Variants in TIMP2 observed in about 807,000 individuals in gnomAD.
TIMP2 encodes the protein metalloproteinase inhibitor 2.
Under a neutral mutation model 24.3 loss-of-function variants are expected in TIMP2, and 5 were observed. The observed-to-expected ratio is 0.21, with a 90% confidence interval of 0.11 to 0.43. The LOEUF (loss-of-function observed/expected upper bound fraction) is 0.43, where lower values mean the gene tolerates loss of function less well. Among genes scored for constraint, TIMP2 ranks in the 20% least tolerant of loss-of-function variants. TIMP2 has a pLI of 1.00. For missense variants in TIMP2, 221 were observed against 297.5 expected, an observed-to-expected ratio of 0.74 and a Z score of 1.89; for synonymous variants, 130 against 123.2, an observed-to-expected ratio of 1.06 and a Z score of -0.37.
At chr17:78,872,038 G>T (rs1206398168) in intron 2 of TIMP2, among the ~76,000 whole-genome samples, 2 of 151,550 alleles carry the variant, frequency 1.3e-5, no homozygotes, top group South Asian at 2.1e-4. Context: ...TTGAGATAGG[G>T]TCTCACTCTG....
intron 1 of TIMP2, among the ~76,000 whole-genome samples, chr17:78,913,943 G>A (rs1244728375): frequency 6.6e-6 from 1 of 151,266 alleles, no homozygotes; most frequent in Non-Finnish European, 1.5e-5. Flanking sequence ...CAATCAGGAT[G>A]ATTTTTCTTG....
At position 78,902,133 on chromosome 17, in the gene TIMP2, G is replaced by A. The variant is rs552160989; in HGVS notation, c.130+22826C>T. Among the ~76,000 whole-genome samples the A allele has an allele frequency of 3.9e-5, 6 of 152,324 alleles. No homozygotes were observed. In the East Asian group the frequency reaches 9.6e-4, roughly 24 times the overall value. ...TCCCAAGCCACTGCACTGGGTTTTG[G>A]TTTCACTATGTTGCCCAGGCTGGAG... is the stretch of plus-strand genomic sequence containing the variant. On this transcript the variant is annotated intron_variant, in intron 1 of 4. Transcript: ENST00000262768.
In TIMP2 at chr17:78,853,448, T is replaced by G. The variant is rs1259589677; in HGVS notation, c.*2219A>C. 3 of 152,266 alleles carry G rather than the reference T, an allele frequency of 2.0e-5. No homozygotes were observed. The highest frequency in any genetic ancestry group is 7.2e-5 in the African/African-American group (3 of 41,446). The allele number at this position is 152,266 out of a possible 1,614,324, so 9.4% of individuals were successfully genotyped here. A position where few individuals can be genotyped will look rare whatever the true frequency, so the allele number is the denominator to read the frequency against. On this transcript the variant is annotated 3_prime_UTR_variant, in exon 5 of 5. Coordinates refer to ENST00000262768, the MANE Select transcript of TIMP2 (RefSeq NM_003255.5). Reference sequence around the variant, plus strand: ...CTGCCACCCGGCTCTTCTTAACCTGTTTTGTTTTCTGCTCAGCACGGTTAA... The same window carrying G: ...CTGCCACCCGGCTCTTCTTAACCTGGTTTGTTTTCTGCTCAGCACGGTTAA...
rs897617982 is a variant in TIMP2 at position 78,859,481 on chromosome 17, G to A, written c.341-1835C>T. ...TCGAGACCAGCCTGGCCAACATGGC[G>A]AAACCCCGTCTCTACTAAAAATACA... On this transcript the variant is annotated intron_variant, in intron 3 of 4. Coordinates refer to ENST00000262768, the MANE Select transcript of TIMP2 (RefSeq NM_003255.5). Among the ~76,000 whole-genome samples, 5 of 152,024 alleles carry A rather than the reference G, an allele frequency of 3.3e-5. No homozygotes were observed. In the South Asian group the frequency reaches 6.2e-4, roughly 19 times the overall value.
intron 1 of TIMP2, among the ~76,000 whole-genome samples, chr17:78,916,728 G>A (rs547693772): frequency 2.0e-5 from 3 of 152,106 alleles, no homozygotes; most frequent in South Asian, 2.1e-4. Flanking sequence ...AGCCTTCCCC[G>A]GAGTCCCACT....
At chr17:78,906,382 C>T (rs2070158876) in intron 1 of TIMP2, among the ~76,000 whole-genome samples, 1 of 151,944 alleles carries the variant, frequency 6.6e-6, no homozygotes, top group African/African-American at 2.4e-5. Flanking sequence ...AAAAGAAAAA[C>T]CCAAAACTTG....
At chr17:78,869,342 G>A (rs1188259699) in intron 3 of TIMP2, among the ~76,000 whole-genome samples, 1 of 151,260 alleles carries the variant, frequency 6.6e-6, no homozygotes, top group Non-Finnish European at 1.5e-5. Context: ...AGGATCACTT[G>A]ACCCCAGGAG....
chr17:78,913,895 G>GA (rs34119062), intron 1 of TIMP2, among the ~76,000 whole-genome samples: 51,981 of 102,788 alleles, frequency 0.51, 13,561 homozygotes, highest in East Asian at 0.66. Context: ...CTGTCTCGGG[G>GA]AAAAAAAAAA....
At chr17:78,877,581 G>A (rs1031590313) in intron 1 of TIMP2, among the ~76,000 whole-genome samples, 5 of 151,926 alleles carry the variant, frequency 3.3e-5, no homozygotes, top group Non-Finnish European at 7.4e-5. Flanking sequence ...AGGAAAAAAA[G>A]CAAGCCAGCA....
At chr17:78,863,124 C>A (rs2069580748) in intron 3 of TIMP2, among the ~76,000 whole-genome samples, 1 of 152,246 alleles carries the variant, frequency 6.6e-6, no homozygotes, top group Admixed American at 6.5e-5. Flanking sequence ...TTTGAGAAAT[C>A]TACAAAGTGT....
At chr17:78,858,314 G>C (rs1327220754) in intron 3 of TIMP2, among the ~76,000 whole-genome samples, 1 of 151,760 alleles carries the variant, frequency 6.6e-6, no homozygotes, top group Non-Finnish European at 1.5e-5. Flanking sequence ...GTGCTGGCGG[G>C]CACCTGTAGT....
At chr17:78,903,014 T>C (rs1332950359) in intron 1 of TIMP2, 1 of 152,344 alleles carries the variant, frequency 6.6e-6, no homozygotes, top group African/African-American at 2.4e-5. Flanking sequence ...TGGCCCACTC[T>C]CCGGGGCCCT....
At chr17:78,899,806 T>C (rs533300390) in intron 1 of TIMP2, 2 of 152,354 alleles carry the variant, frequency 1.3e-5, no homozygotes, top group African/African-American at 2.4e-5. Context: ...TCCCCCAGGA[T>C]GCCCCAACCC....
intron 3 of TIMP2, among the ~76,000 whole-genome samples, chr17:78,863,790 A>C (rs1354171649): frequency 6.6e-6 from 1 of 152,056 alleles, no homozygotes. Context: ...ATTATCAGCT[A>C]CCCTTGAGTG....
At chr17:78,869,730 G>A (rs1041511482) in intron 3 of TIMP2, among the ~76,000 whole-genome samples, 9 of 152,064 alleles carry the variant, frequency 5.9e-5, no homozygotes, top group African/African-American at 1.7e-4. Context: ...CAGGAGAATC[G>A]CTTGAACCTG....
intron 1 of TIMP2, among the ~76,000 whole-genome samples, chr17:78,918,431 G>A (rs907970433): frequency 2.0e-4 from 30 of 152,204 alleles, no homozygotes; most frequent in African/African-American, 6.5e-4. Flanking sequence ...GGCACAGGCT[G>A]CAGGGGTCCA....
Position 78,867,089 on chromosome 17 carries a change from C to T in TIMP2, c.340+3809G>A, listed in dbSNP as rs377582439. ...CAGCCTGGCCAACATGGTGAAACCC[C>T]GTATCTACTAAAAATACAAAAATTA... On this transcript the variant is annotated intron_variant, in intron 3 of 4. Coordinates refer to ENST00000262768, the MANE Select transcript of TIMP2 (RefSeq NM_003255.5). 1.7e-4 allele frequency among the ~76,000 whole-genome samples: 26 copies of T among 152,192 alleles called. No individual in the cohort carries two copies. The South Asian group carries it at 2.1e-3, about 12-fold the overall frequency.
rs888207186 is a variant in TIMP2 at position 78,891,514 on chromosome 17, C to T, written c.131-17595G>A. The T allele has an allele frequency of 1.8e-5, 28 of 1,551,070 alleles. No homozygotes were observed. Among genetic ancestry groups the T allele is most frequent in the African/African-American group, 2.7e-5 (2 of 73,050 alleles). ...TCTGCCACTTGTTCTTCTCCCGGAGCGTGCACTGAGATGCTGGGGACACGG... is the reference window on the plus strand; with the variant it reads ...TCTGCCACTTGTTCTTCTCCCGGAGTGTGCACTGAGATGCTGGGGACACGG... On this transcript the variant is annotated intron_variant, in intron 1 of 4. Transcript: ENST00000262768. The surrounding 1 kb of genome is among the most constrained non-coding windows in gnomAD (Gnocchi z 4.5).
intron 1 of TIMP2, among the ~76,000 whole-genome samples, chr17:78,914,598 T>C (rs2070239684): frequency 6.6e-6 from 1 of 151,842 alleles, no homozygotes; most frequent in South Asian, 2.1e-4. Context: ...GTTTTTTTTT[T>C]CTTTATAGAC....
Sources: allele counts gnomAD v4.1 joint callset (sites outside exome capture counted in the v4.1 genomes callset), GRCh38; gene constraint gnomAD v4.1.1; non-coding constraint Gnocchi (gnomAD v3.1); transcripts MANE v1.5; gene names NCBI Gene and HGNC (gene_info 2026-07-23, HGNC 2026-07-21).